Variants in DYM observed in about 807,000 individuals in gnomAD.
DYM encodes dyggve-Melchior-Clausen syndrome protein.
DYM carries 78 observed loss-of-function variants against 93.1 expected under a neutral mutation model. That is an observed-to-expected ratio of 0.84 (90% CI 0.70 to 1.01). The LOEUF (loss-of-function observed/expected upper bound fraction) is 1.01, where lower values mean the gene tolerates loss of function less well. Among genes scored for constraint, DYM ranks in the 50% least tolerant of loss-of-function variants. DYM has a pLI of 0.00. For synonymous variants in DYM, 321 were observed against 319.7 expected (o/e 1.00, Z -0.04); for missense variants, 789 against 845.0 (o/e 0.93, Z 0.82).
chr18:49,148,889 G>C (rs2085475305), intron 15 of DYM, among the ~76,000 whole-genome samples: 1 of 152,164 alleles, frequency 6.6e-6, no homozygotes, highest in South Asian at 2.1e-4. Flanking sequence ...CGGATGCAGG[G>C]TGGTGCTTTT....
chr18:49,410,860 GGA>G (rs1361763075), intron 2 of DYM, among the ~76,000 whole-genome samples: 4 of 152,068 alleles, frequency 2.6e-5, no homozygotes, highest in Non-Finnish European at 5.9e-5. Context: ...TTTTGACAAG[GGA>G]GAGGGGATTT....
chr18:49,407,865 T>C (rs2071694587), intron 2 of DYM, among the ~76,000 whole-genome samples: 1 of 152,234 alleles, frequency 6.6e-6, no homozygotes, highest in Non-Finnish European at 1.5e-5. Context: ...CAAGAAACTA[T>C]GGGAGCTAAA....
intron 6 of DYM, among the ~76,000 whole-genome samples, chr18:49,348,104 C>T (rs1199826587): frequency 6.6e-6 from 1 of 152,140 alleles, no homozygotes; most frequent in Admixed American, 6.5e-5. Flanking sequence ...AGACAAAAGA[C>T]TTCATGAAAT....
chr18:49,388,010 G>C (rs1003113847), intron 3 of DYM, among the ~76,000 whole-genome samples: 1 of 152,116 alleles, frequency 6.6e-6, no homozygotes, highest in African/African-American at 2.4e-5. Context: ...AAAAATCTCA[G>C]TAGATAGTTT....
rs575536681 is a variant in DYM, at chr18:49,196,535, G to C, written c.1625+13016C>G. On this transcript the variant is annotated intron_variant, in intron 14 of 17. Coordinates refer to ENST00000675505, the MANE Select transcript of DYM (RefSeq NM_001353214.3). ...AGTGACAGCAAAAGTGAGAGAGTGC[G>C]AGGGGTGGTGTGTGAGAGGAACCAT... Among the ~76,000 whole-genome samples the C allele has an allele frequency of 3.4e-4, 51 of 152,204 alleles. 1 individual carries two copies. Among genetic ancestry groups the C allele is most frequent in the African/African-American group, 1.2e-3 (50 of 41,536 alleles).
At chr18:49,394,064 T>C (rs2069732508) in intron 2 of DYM, among the ~76,000 whole-genome samples, 1 of 152,166 alleles carries the variant, frequency 6.6e-6, no homozygotes. Context: ...ATGGTGTTAA[T>C]GATTGCATGA....
Position 49,293,801 on chromosome 18 carries a change from CAGA to C in DYM, c.764-7188_764-7186del, listed in dbSNP as rs1434966281. On this transcript the variant is annotated intron_variant, in intron 8 of 17. Transcript: ENST00000675505. ...TTTGATGATAGTTTCTTTTGCTGTG[CAGA>C]AGCTCTTTAGTGTAATTAGATCCCA... 3.3e-5 allele frequency among the ~76,000 whole-genome samples: 5 copies of C among 152,240 alleles called. 1 individual carries two copies. Among genetic ancestry groups the C allele is most frequent in the African/African-American group, 1.2e-4 (5 of 41,556 alleles).
At chr18:49,154,769 A>C (rs1414486110) in intron 15 of DYM, among the ~76,000 whole-genome samples, 2 of 148,998 alleles carry the variant, frequency 1.3e-5, no homozygotes, top group Non-Finnish European at 3.0e-5. Context: ...AGTTGCATGT[A>C]TACTTGACAG....
intron 1 of DYM, among the ~76,000 whole-genome samples, chr18:49,434,538 A>G (rs2080644886): frequency 6.6e-6 from 1 of 152,040 alleles, no homozygotes; most frequent in African/African-American, 2.4e-5. Context: ...CAAAACAAAA[A>G]AGAAAAAGAA....
intron 8 of DYM, among the ~76,000 whole-genome samples, chr18:49,318,963 A>G (rs550835344): frequency 5.3e-5 from 8 of 150,846 alleles, no homozygotes; most frequent in Admixed American, 3.3e-4. Flanking sequence ...ACCACGCCCA[A>G]CTAATTTTTT....
intron 8 of DYM, among the ~76,000 whole-genome samples, chr18:49,296,729 TTCTC>T (rs1280848014): frequency 1.3e-5 from 2 of 152,196 alleles, no homozygotes; most frequent in African/African-American, 4.8e-5. Flanking sequence ...TTTCTCTCAT[TTCTC>T]TCTTTTTTCC....
chr18:49,289,367 C>G (rs2939613), intron 8 of DYM, among the ~76,000 whole-genome samples: 9 of 137,538 alleles, frequency 6.5e-5, no homozygotes, highest in African/African-American at 2.5e-4. Flanking sequence ...TCGTAACATG[C>G]ATAACAAAAG....
At chr18:49,113,777 T>C (rs565178396) in intron 16 of DYM, among the ~76,000 whole-genome samples, 2 of 152,250 alleles carry the variant, frequency 1.3e-5, no homozygotes, top group Non-Finnish European at 2.9e-5. Context: ...GTTATTTATA[T>C]CTTTATCACA....
chr18:49,430,179 T>A (rs1236286968), intron 2 of DYM, 76 bp downstream of exon 2: 34 of 1,318,886 alleles, frequency 2.6e-5, no homozygotes, highest in Admixed American at 2.4e-4. Flanking sequence ...CATTTCTAAA[T>A]TTTTTTTTAA....
chr18:49,116,341 G>A (rs2081921966), intron 16 of DYM: 3 of 152,104 alleles, frequency 2.0e-5, no homozygotes, highest in Admixed American at 6.6e-5. Flanking sequence ...TCATGTAAAA[G>A]GGGAAAGAGT....
At chr18:49,344,701 G>C (rs1295829750) in intron 6 of DYM, among the ~76,000 whole-genome samples, 1 of 149,684 alleles carries the variant, frequency 6.7e-6, no homozygotes, top group Non-Finnish European at 1.5e-5. Context: ...ATAACCTTTT[G>C]GGGAAAAAAA....
intron 2 of DYM, among the ~76,000 whole-genome samples, chr18:49,423,105 C>G (rs192795166): frequency 7.7e-4 from 117 of 152,284 alleles, no homozygotes; most frequent in African/African-American, 2.6e-3. Flanking sequence ...TTTTCAGCAC[C>G]ACATAGCACT....
chr18:49,315,359 A>G (rs1196286139), intron 8 of DYM, among the ~76,000 whole-genome samples: 1 of 152,210 alleles, frequency 6.6e-6, no homozygotes, highest in Non-Finnish European at 1.5e-5. Context: ...TAACCTGCCT[A>G]CCGGGTATGG....
intron 15 of DYM, among the ~76,000 whole-genome samples, chr18:49,159,336 G>A (rs2086822521): frequency 6.6e-6 from 1 of 152,154 alleles, no homozygotes; most frequent in South Asian, 2.1e-4. Flanking sequence ...TTTGTCATAT[G>A]AAAATCAGAT....
Sources: gnomAD v4.1 joint callset for allele counts (sites outside exome capture counted in the v4.1 genomes callset) on GRCh38, gnomAD v4.1.1 for gene constraint, MANE v1.5 for transcripts, NCBI Gene and HGNC (gene_info 2026-07-23, HGNC 2026-07-21) for gene names.